Variants in LRRC4C observed in about 807,000 individuals in gnomAD.
LRRC4C encodes leucine rich repeat containing 4C, also known as leucine-rich repeat-containing protein 4C.
Under a neutral mutation model 33.6 loss-of-function variants are expected in LRRC4C, and 5 were observed. The ratio of observed to expected loss-of-function variants is 0.15; its 90% CI spans 0.08 to 0.31. The LOEUF (loss-of-function observed/expected upper bound fraction) is 0.31. Ranked by LOEUF, LRRC4C falls within the 10% of genes least tolerant of loss-of-function variation. The probability of loss-of-function intolerance (pLI) is 1.00; values close to 1 mark genes in which losing one functional copy is unlikely to be tolerated. For synonymous variants in LRRC4C, 329 were observed against 302.0 expected, an observed-to-expected ratio of 1.09 and a Z score of -0.93; for missense variants, 560 against 796.7, an observed-to-expected ratio of 0.70 and a Z score of 3.58.
chr11:41,011,149 A>G (rs912783068), intron 1 of LRRC4C, among the ~76,000 whole-genome samples: 2 of 152,180 alleles, frequency 1.3e-5, no homozygotes, highest in South Asian at 4.1e-4. Flanking sequence ...TTGAATTGTA[A>G]ACTATATAAC....
At chr11:40,656,780 G>A (rs1019893361) in intron 2 of LRRC4C, among the ~76,000 whole-genome samples, 5 of 152,150 alleles carry the variant, frequency 3.3e-5, no homozygotes, top group South Asian at 2.1e-4. Context: ...TGGATGATCT[G>A]TTGATCTTTT....
At chr11:41,083,051 T>C (rs911853337) in intron 1 of LRRC4C, among the ~76,000 whole-genome samples, 1 of 152,080 alleles carries the variant, frequency 6.6e-6, no homozygotes, top group African/African-American at 2.4e-5. Flanking sequence ...CCTACAAGCC[T>C]ACTAATGTTA....
At chr11:40,737,101 A>C (rs186747502) in intron 2 of LRRC4C, among the ~76,000 whole-genome samples, 3 of 152,122 alleles carry the variant, frequency 2.0e-5, no homozygotes, top group African/African-American at 7.2e-5. Flanking sequence ...GTATTACCTA[A>C]GTTTTCTTCT....
intron 2 of LRRC4C, among the ~76,000 whole-genome samples, chr11:40,695,808 A>G (rs539427418): frequency 6.6e-6 from 1 of 152,048 alleles, no homozygotes; most frequent in African/African-American, 2.4e-5. Flanking sequence ...TTACGAGGAG[A>G]CAATGACCTC....
At chr11:40,137,116 G>T (rs1590480950) in intron 6 of LRRC4C, among the ~76,000 whole-genome samples, 1 of 152,038 alleles carries the variant, frequency 6.6e-6, no homozygotes, top group African/African-American at 2.4e-5. Flanking sequence ...ATCACTTAAA[G>T]AAGTTTATTT....
intron 3 of LRRC4C, among the ~76,000 whole-genome samples, chr11:40,456,752 G>A (rs916104800): frequency 6.6e-6 from 1 of 151,716 alleles, no homozygotes; most frequent in Non-Finnish European, 1.5e-5. Flanking sequence ...ATAATTTCAA[G>A]TTTTTAGAGA....
At chr11:40,858,769 T>C (rs149389114) in intron 2 of LRRC4C, among the ~76,000 whole-genome samples, 66 of 151,458 alleles carry the variant, frequency 4.4e-4, no homozygotes, top group African/African-American at 1.6e-3. Flanking sequence ...TTATATTCTG[T>C]ATTCAGGGAT....
At chr11:40,970,945 C>G (rs542102800) in intron 1 of LRRC4C, among the ~76,000 whole-genome samples, 4 of 152,272 alleles carry the variant, frequency 2.6e-5, no homozygotes, top group African/African-American at 9.6e-5. Context: ...ACCAGTGAAG[C>G]ACTTAAGAAT....
chr11:40,814,179 C>G (rs764426927), intron 2 of LRRC4C, among the ~76,000 whole-genome samples: 1 of 152,210 alleles, frequency 6.6e-6, no homozygotes, highest in Non-Finnish European at 1.5e-5. Flanking sequence ...ACTCCTGCAG[C>G]AAGTTGCTGC....
At chr11:40,243,170 G>A (rs1057283496) in intron 4 of LRRC4C, among the ~76,000 whole-genome samples, 3 of 152,150 alleles carry the variant, frequency 2.0e-5, no homozygotes, top group Admixed American at 2.0e-4. Context: ...TGTAATGACA[G>A]CAAGATACCC....
At chr11:40,854,246 G>A (rs1043187404) in intron 2 of LRRC4C, among the ~76,000 whole-genome samples, 6 of 152,076 alleles carry the variant, frequency 3.9e-5, no homozygotes, top group African/African-American at 1.2e-4. Context: ...TTATGGAATC[G>A]ATTCTAACAG....
chr11:40,986,759 A>G (rs747649197), intron 1 of LRRC4C, among the ~76,000 whole-genome samples: 1 of 152,198 alleles, frequency 6.6e-6, no homozygotes, highest in Non-Finnish European at 1.5e-5. Context: ...AGTATTTTCC[A>G]CTAACCTTGA....
intron 3 of LRRC4C, among the ~76,000 whole-genome samples, chr11:40,511,712 G>T (rs1219404561): frequency 2.0e-5 from 3 of 152,168 alleles, no homozygotes; most frequent in Admixed American, 2.0e-4. Context: ...GATAAGTACA[G>T]CAAAGAAGCA....
At chr11:40,211,116 C>G (rs186005843) in intron 5 of LRRC4C, among the ~76,000 whole-genome samples, 1 of 152,200 alleles carries the variant, frequency 6.6e-6, no homozygotes, top group Non-Finnish European at 1.5e-5. Context: ...ACTCAAGTAC[C>G]TTGCAATACA....
intron 1 of LRRC4C, among the ~76,000 whole-genome samples, chr11:41,308,176 C>T (rs1008483428): frequency 6.6e-6 from 1 of 152,162 alleles, no homozygotes; most frequent in Non-Finnish European, 1.5e-5. Context: ...AGGTAGCTTG[C>T]GGACTTCACA....
intron 4 of LRRC4C, among the ~76,000 whole-genome samples, chr11:40,254,618 G>A (rs1370786970): frequency 1.3e-5 from 2 of 152,174 alleles, no homozygotes; most frequent in African/African-American, 4.8e-5. Flanking sequence ...ATATGTGTAT[G>A]TTCCTATATG....
chr11:41,424,448 G>A (rs1240214650), intron 1 of LRRC4C, among the ~76,000 whole-genome samples: 1 of 151,974 alleles, frequency 6.6e-6, no homozygotes, highest in African/African-American at 2.4e-5. Flanking sequence ...AAGTAATACA[G>A]GGCATTAAGG....
At chr11:40,665,366 A>ATATATATATATATATATATG (rs1943744092) in intron 2 of LRRC4C, among the ~76,000 whole-genome samples, 1 of 31,158 alleles carries the variant, frequency 3.2e-5, no homozygotes, top group Non-Finnish European at 8.4e-5. Context: ...ATATATATGT[A>ATATATATATATATATATATG]TATATATATA....
intron 2 of LRRC4C, among the ~76,000 whole-genome samples, chr11:40,783,924 T>C (rs1434840348): frequency 6.6e-6 from 1 of 152,128 alleles, no homozygotes; most frequent in Non-Finnish European, 1.5e-5. Context: ...AAATAGTGTC[T>C]TACAAGCAAG....
Sources: gnomAD v4.1 joint callset for allele counts (sites outside exome capture counted in the v4.1 genomes callset) on GRCh38, gnomAD v4.1.1 for gene constraint, MANE v1.5 for transcripts, NCBI Gene and HGNC (gene_info 2026-07-23, HGNC 2026-07-21) for gene names.